Variants in TNKS observed in about 807,000 individuals in gnomAD.
The protein encoded by TNKS is tankyrase.
In TNKS, 72 loss-of-function variants were observed where a neutral mutation model predicts 135.8. The ratio of observed to expected loss-of-function variants is 0.53; its 90% confidence interval spans 0.44 to 0.64. The LOEUF (loss-of-function observed/expected upper bound fraction) is 0.64. TNKS is among the 30% of genes least tolerant of loss of function. TNKS has a pLI of 0.00. For synonymous variants in TNKS, 849 were observed against 649.3 expected, an observed-to-expected ratio of 1.31 and a Z score of -4.68; for missense variants, 1,769 against 1,674.0, an observed-to-expected ratio of 1.06 and a Z score of -0.99.
chr8:9,748,151 C>G lies in TNKS; in HGVS notation c.2771C>G (p.Ala924Gly), dbSNP rs369068511. 1 of 1,614,090 alleles carries G rather than the reference C, an allele frequency of 6.2e-7. No homozygotes were observed. Among genetic ancestry groups the G allele is most frequent in the Admixed American group, 1.7e-5 (1 of 60,014 alleles). Residue 924 changes from alanine to glycine, a missense_variant, in exon 18 of 27, where the codon GCG becomes GGG. Transcript: ENST00000310430. ...GRTQLCALLL[A>G]HGADPTMKNQ... is the part of the protein sequence containing the mutation. The stretch of plus-strand genomic sequence containing the variant: ...ACGCAGCTGTGCGCCCTCCTCCTAG[C>G]GCATGGTGCAGACCCCACCATGAAG...
At chr8:9,639,032 C>G (rs1275672514) in intron 3 of TNKS, among the ~76,000 whole-genome samples, 2 of 152,092 alleles carry the variant, frequency 1.3e-5, no homozygotes, top group African/African-American at 4.8e-5. Context: ...ATTGTCTAAC[C>G]TACTTCTGTT....
At chr8:9,704,831 A>G (rs1347106970) in intron 6 of TNKS, 74 bp downstream of exon 6, 3 of 1,149,274 alleles carry the variant, frequency 2.6e-6, no homozygotes, top group East Asian at 2.4e-5. Flanking sequence ...AACACTAGAC[A>G]AAGTCATATG....
rs982038191 is a variant in TNKS, at chr8:9,628,731, T to C, written c.994+13054T>C. 6.1e-4 allele frequency among the ~76,000 whole-genome samples: 93 copies of C among 152,282 alleles called. 2 individuals carry two copies. Among genetic ancestry groups the C allele is most frequent in the African/African-American group, 2.1e-3 (88 of 41,560 alleles). The stretch of plus-strand genomic sequence containing the variant: ...CCTCCTACCTTCCAGTTTATAGCTC[T>C]AGTGTTGCTCTGCCCTCTTCAGAGG... On this transcript the variant is annotated intron_variant, in intron 3 of 26. Transcript: ENST00000310430.
chr8:9,700,494 A>T (rs1370120276), intron 5 of TNKS, among the ~76,000 whole-genome samples: 1 of 152,150 alleles, frequency 6.6e-6, no homozygotes, highest in Non-Finnish European at 1.5e-5. Context: ...CTAGTGCCAT[A>T]CGTGTAAGTC....
At chr8:9,669,519 G>T (rs1802172589) in intron 3 of TNKS, among the ~76,000 whole-genome samples, 1 of 152,026 alleles carries the variant, frequency 6.6e-6, no homozygotes, top group South Asian at 2.1e-4. Flanking sequence ...TAATGTGTTA[G>T]GTTAATGTGT....
At chr8:9,574,606 C>A (rs1002329990) in intron 1 of TNKS, among the ~76,000 whole-genome samples, 1 of 152,220 alleles carries the variant, frequency 6.6e-6, no homozygotes, top group Non-Finnish European at 1.5e-5. Context: ...GAAACCCAAT[C>A]TTCTTACCCT....
intron 12 of TNKS, among the ~76,000 whole-genome samples, chr8:9,725,705 G>A (rs1414170806): frequency 6.6e-6 from 1 of 152,198 alleles, no homozygotes; most frequent in East Asian, 1.9e-4. Context: ...GCCTCCTGGA[G>A]ATCCATCCTT....
At chr8:9,601,536 C>T (rs551040928) in intron 2 of TNKS, among the ~76,000 whole-genome samples, 13 of 152,234 alleles carry the variant, frequency 8.5e-5, no homozygotes, top group African/African-American at 2.9e-4. Context: ...TGAGATAATA[C>T]AGGCGTATGT....
intron 13 of TNKS, among the ~76,000 whole-genome samples, chr8:9,728,551 G>A (rs1805266276): frequency 6.6e-6 from 1 of 152,162 alleles, no homozygotes; most frequent in African/African-American, 2.4e-5. Context: ...AATTTAGAAT[G>A]TAAGAACCAG....
intron 3 of TNKS, among the ~76,000 whole-genome samples, chr8:9,669,383 AGT>A (rs1802162613): frequency 6.7e-6 from 1 of 148,280 alleles, no homozygotes; most frequent in Admixed American, 6.8e-5. Flanking sequence ...GCGCCACTGC[AGT>A]CCGCAGTCCG....
chr8:9,770,276 C>G lies in TNKS; in HGVS notation c.3897+14C>G. ...AGAGGAGAACAGGTATGTTACTCAT[C>G]AAACAAGCATAACCAAGTTCACAAA... On this transcript the variant is annotated intron_variant, in intron 26 of 26. Coordinates refer to ENST00000310430, the MANE Select transcript of TNKS (RefSeq NM_003747.3). 1.9e-6 allele frequency: 3 copies of G among 1,600,020 alleles called. No individual in the cohort carries two copies. The highest frequency in any genetic ancestry group is 2.6e-6 in the Non-Finnish European group (3 of 1,170,044).
chr8:9,656,375 A>G (rs1385143224), intron 3 of TNKS, among the ~76,000 whole-genome samples: 1 of 152,164 alleles, frequency 6.6e-6, no homozygotes, highest in Non-Finnish European at 1.5e-5. Flanking sequence ...ATTCAAATTC[A>G]GGAAATACAG....
chr8:9,682,576 C>T (rs1453650125), intron 5 of TNKS, among the ~76,000 whole-genome samples: 2 of 151,928 alleles, frequency 1.3e-5, no homozygotes, highest in African/African-American at 4.8e-5. Flanking sequence ...ACTTAGAGTT[C>T]CTTAAAGTTC....
chr8:9,616,733 C>G lies in TNKS; in HGVS notation c.994+1056C>G, dbSNP rs553713854. Among the ~76,000 whole-genome samples, 8 of 152,266 alleles carry G rather than the reference C, an allele frequency of 5.3e-5. No homozygotes were observed. The East Asian group carries it at 1.3e-3, about 26-fold the overall frequency. ...TATTGCTCAGAGTAATATGACTTTT[C>G]TCAATCAAAGATTAGTGTATTTAGT... On this transcript the variant is annotated intron_variant, in intron 3 of 26. Transcript: ENST00000310430.
chr8:9,773,763 T>A (rs1272818686), intron 26 of TNKS, among the ~76,000 whole-genome samples: 1 of 152,104 alleles, frequency 6.6e-6, no homozygotes, highest in East Asian at 1.9e-4. Flanking sequence ...CACTCAGCAT[T>A]TATTTTATTT....
At chr8:9,656,248 C>G (rs986875923) in intron 3 of TNKS, among the ~76,000 whole-genome samples, 1 of 152,094 alleles carries the variant, frequency 6.6e-6, no homozygotes, top group Non-Finnish European at 1.5e-5. Context: ...GTGAAAAGAC[C>G]AAATCTACGT....
intron 1 of TNKS, among the ~76,000 whole-genome samples, chr8:9,559,744 A>C (rs1797252256): frequency 6.6e-6 from 1 of 152,170 alleles, no homozygotes; most frequent in African/African-American, 2.4e-5. Context: ...TGTGGTATGA[A>C]ACCATATTTA....
intron 3 of TNKS, among the ~76,000 whole-genome samples, chr8:9,671,578 C>T (rs1802271543): frequency 6.6e-6 from 1 of 152,086 alleles, no homozygotes; most frequent in African/African-American, 2.4e-5. Context: ...AAATCATATC[C>T]ATGGTTACCA....
chr8:9,642,822 G>T (rs921421899), intron 3 of TNKS, among the ~76,000 whole-genome samples: 4 of 145,740 alleles, frequency 2.7e-5, no homozygotes, highest in Non-Finnish European at 4.5e-5. Flanking sequence ...TCAAAATGTA[G>T]AAAATTATTT....
Sources: allele counts gnomAD v4.1 joint callset (sites outside exome capture counted in the v4.1 genomes callset), GRCh38; gene constraint gnomAD v4.1.1; transcripts MANE v1.5; gene names NCBI Gene and HGNC (gene_info 2026-07-23, HGNC 2026-07-21).